Variants in ITM2A observed in about 807,000 individuals in gnomAD.
ITM2A encodes integral membrane protein 2A.
Under a neutral mutation model 16.6 loss-of-function variants are expected in ITM2A, and 11 were observed. That is an observed-to-expected ratio of 0.66 (90% CI 0.42 to 1.10). The LOEUF (loss-of-function observed/expected upper bound fraction) is 1.10, where lower values mean the gene tolerates loss of function less well. ITM2A is among the 50% of genes least tolerant of loss of function. The pLI, the probability that ITM2A is intolerant of heterozygous loss-of-function variation, is 0.00. For synonymous variants in ITM2A, 102 were observed against 71.2 expected, an observed-to-expected ratio of 1.43 and a Z score of -2.18; for missense variants, 243 against 206.8, an observed-to-expected ratio of 1.17 and a Z score of -1.07.
In ITM2A at chrX:79,361,363, C is replaced by T. The variant is rs775925863; in HGVS notation, c.669G>A (p.Lys223=). The T allele has an allele frequency of 8.3e-7, 1 of 1,210,084 alleles. No homozygotes were observed. The highest frequency in any genetic ancestry group is 1.8e-5 in the South Asian group (1 of 56,809). The change falls in exon 5 of 6, where the codon AAG becomes AAA. Residue 223 remains lysine, a synonymous_variant. Transcript: ENST00000373298. Reference sequence around the variant, plus strand: ...GGTCTCTGCGACGAAGGCGGAAGGACTTTCTGTTATTGCAAAGTTGGTAAA... The same window carrying T: ...GGTCTCTGCGACGAAGGCGGAAGGATTTTCTGTTATTGCAAAGTTGGTAAA... The part of the protein sequence containing the change: ...IFIYQLCNNR[K]SFRLRRRDLL...
At position 79,363,529 on chromosome X, in the gene ITM2A, T is replaced by A. The variant is rs1411144160; in HGVS notation, c.137A>T (p.Lys46Ile). Reference protein sequence around the residue: ...GKELRVATQEKEGSSGRCMLT... With the variant: ...GKELRVATQEIEGSSGRCMLT... ...CATACATCTCCCAGAGGAGCCCTCT[T>A]TTTCCTGGGTGGCAACTCGGAGCTC... Residue 46 changes from lysine (K) to isoleucine (I), a missense_variant, in exon 2 of 6, where the codon AAA becomes ATA. Lys to Ile is a moderately radical substitution (Grantham distance 102). Coordinates refer to ENST00000373298, the MANE Select transcript of ITM2A (RefSeq NM_004867.5). 1 of 1,182,441 alleles carries A rather than the reference T, an allele frequency of 8.5e-7. No individual in the cohort carries two copies. Among genetic ancestry groups the A allele is most frequent in the African/African-American group, 1.8e-5 (1 of 56,378 alleles).
intron 2 of ITM2A, 132 bp from the exon 3 acceptor site, chrX:79,363,271 G>T: frequency 2.7e-6 from 2 of 736,252 alleles, no homozygotes; most frequent in Non-Finnish European, 3.9e-6. Flanking sequence ...TTATCACAAT[G>T]AAGACAAATC....
intron 1 of ITM2A, among the ~76,000 whole-genome samples, chrX:79,366,047 G>T (rs895075576): frequency 8.9e-6 from 1 of 111,957 alleles, no homozygotes; most frequent in Non-Finnish European, 1.9e-5. Flanking sequence ...GACAAGTCAG[G>T]ACAGATCTGC....
rs747228137 is a variant in ITM2A, at chrX:79,361,193, CA to C, written c.704-17del. On this transcript the variant is annotated splice_polypyrimidine_tract_variant and intron_variant, in intron 5 of 5. Transcript: ENST00000373298. ...TTGTTGAAACCTGTAAGGAAATGTG[CA>C]AAAAAAGTGGCTTTTGAAATTTTTG... is the stretch of plus-strand genomic sequence containing the variant. 3.4e-6 allele frequency: 4 copies of C among 1,163,578 alleles called. No individual in the cohort carries two copies. Among genetic ancestry groups the C allele is most frequent in the Admixed American group, 2.3e-5 (1 of 42,761 alleles).
intron 4 of ITM2A, 43 bp from the exon 5 acceptor site, chrX:79,361,522 C>T (rs1440173410): frequency 9.0e-7 from 1 of 1,112,298 alleles, no homozygotes; most frequent in Admixed American, 2.4e-5. Flanking sequence ...ATTCTTTTTC[C>T]TTTTTAACTT....
rs1166282823 is a variant in ITM2A at position 79,361,449 on chromosome X, C to A, written c.583G>T (p.Val195Phe). ...TCCACAGCAACTAGGTCTTCTCGAA[C>A]CACATAAGTTTGAGGCAGATATCTG... Reference protein sequence around the residue: ...SGRYLPQTYVVREDLVAVEEI... With the variant: ...SGRYLPQTYVFREDLVAVEEI... Residue 195 changes from valine (V) to phenylalanine (F), a missense_variant, in exon 5 of 6, where the codon GTT (valine) becomes TTT (phenylalanine). By Grantham distance (50) the Val-to-Phe change is conservative. Transcript: ENST00000373298. The A allele has an allele frequency of 8.3e-7, 1 of 1,205,435 alleles. No homozygotes were observed. The highest frequency in any genetic ancestry group is 1.7e-5 in the African/African-American group (1 of 57,249).
chrX:79,362,852 C>T (rs943629855), intron 3 of ITM2A, 90 bp downstream of exon 3: 47 of 751,035 alleles, frequency 6.3e-5, no homozygotes, highest in Admixed American at 4.5e-4. Flanking sequence ...CATGTGCATT[C>T]ATGAATGAAT....
Position 79,360,660 on chromosome X carries a change from A to G in ITM2A, c.*429T>C, listed in dbSNP as rs979003308. 2.7e-5 allele frequency: 3 copies of G among 112,245 alleles called. No individual in the cohort carries two copies. Among genetic ancestry groups the G allele is most frequent in the African/African-American group, 9.7e-5 (3 of 30,948 alleles). The allele number at this position is 112,245 out of a possible 1,213,427, so 9.3% of individuals were successfully genotyped here. A position where few individuals can be genotyped will look rare whatever the true frequency, so the allele number is the denominator to read the frequency against. On this transcript the variant is annotated 3_prime_UTR_variant, in exon 6 of 6. Transcript: ENST00000373298. Reference sequence around the variant, plus strand: ...GAAACCAACAATGTTGAGATCTGATATATTTTACACAAAAAGTTCAAAAAC... The same window carrying G: ...GAAACCAACAATGTTGAGATCTGATGTATTTTACACAAAAAGTTCAAAAAC...
At chrX:79,366,737 A>C in intron 1 of ITM2A, 1 of 150,746 alleles carries the variant, frequency 6.6e-6, no homozygotes. Context: ...TGGGGAGACT[A>C]TGCGCGCCCC....
At chrX:79,364,779 A>G (rs1482736138) in intron 1 of ITM2A, among the ~76,000 whole-genome samples, 1 of 111,777 alleles carries the variant, frequency 8.9e-6, no homozygotes, top group African/African-American at 3.2e-5. Flanking sequence ...TGAAAGGACA[A>G]TCATTTGTTA....
chrX:79,362,701 A>G lies in ITM2A; in HGVS notation c.442-10T>C, dbSNP rs184180205. The G allele has an allele frequency of 6.5e-4, 729 of 1,120,976 alleles. 4 individuals carry two copies. The African/African-American group carries it at 0.011, about 17-fold the overall frequency. 92.4% of individuals were successfully genotyped at this position (1,120,976 alleles called of 1,213,427 possible). On this transcript the variant is annotated splice_polypyrimidine_tract_variant and intron_variant, in intron 3 of 5. Transcript: ENST00000373298. The stretch of plus-strand genomic sequence containing the variant: ...GGTAAGCAGTCATTCCCTGTTAGGT[A>G]GGGGAAAAAAGTCAGGTAAGACACA...
rs374427238 is a variant in ITM2A at position 79,367,235 on chromosome X, C to A, written c.-20G>T. 7.3e-6 allele frequency: 8 copies of A among 1,098,273 alleles called. No homozygotes were observed. The highest frequency in any genetic ancestry group is 2.3e-5 in the Admixed American group (1 of 44,229). The allele number at this position is 1,098,273 out of a possible 1,213,427, so 90.5% of individuals were successfully genotyped here. ...CACCATAGTGAATCTTCGGGCTGCG[C>A]GGTAAGGCGCTGCTGGAATCAGCGT... is the stretch of plus-strand genomic sequence containing the variant. On this transcript the variant is annotated 5_prime_UTR_variant, in exon 1 of 6. Transcript: ENST00000373298.
intron 1 of ITM2A, among the ~76,000 whole-genome samples, chrX:79,365,511 C>T (rs1360120761): frequency 9.0e-6 from 1 of 111,064 alleles, no homozygotes; most frequent in Non-Finnish European, 1.9e-5. Flanking sequence ...AGGTAAGGAT[C>T]CTGTTAAGTT....
In ITM2A at chrX:79,361,085, C is replaced by T. The variant is rs762520315; in HGVS notation, c.*4G>A. The stretch of plus-strand genomic sequence containing the variant: ...ATTACCAAGGACACTCTATCTGTTG[C>T]CTCTTACTCTTGACAGATCTTGGTC... On this transcript the variant is annotated 3_prime_UTR_variant, in exon 6 of 6. Coordinates refer to ENST00000373298, the MANE Select transcript of ITM2A (RefSeq NM_004867.5). 2.8e-5 allele frequency: 32 copies of T among 1,131,213 alleles called. No homozygotes were observed. The Admixed American group carries it at 6.7e-4, about 24-fold the overall frequency. 93.2% of individuals were successfully genotyped at this position (1,131,213 alleles called of 1,213,427 possible). A position where few individuals can be genotyped will look rare whatever the true frequency, so the allele number is the denominator to read the frequency against.
rs1408664860 is a variant in ITM2A at position 79,367,233 on chromosome X, C to T, written c.-18G>A. On this transcript the variant is annotated 5_prime_UTR_variant, in exon 1 of 6. Coordinates refer to ENST00000373298, the MANE Select transcript of ITM2A (RefSeq NM_004867.5). ...TTCACCATAGTGAATCTTCGGGCTG[C>T]GCGGTAAGGCGCTGCTGGAATCAGC... 3.7e-6 allele frequency: 4 copies of T among 1,094,307 alleles called. No homozygotes were observed. In the African/African-American group the frequency reaches 5.4e-5, roughly 15 times the overall value. 90.2% of individuals were successfully genotyped at this position (1,094,307 alleles called of 1,213,427 possible).
intron 1 of ITM2A, among the ~76,000 whole-genome samples, chrX:79,364,699 T>C (rs1319985189): frequency 8.9e-6 from 1 of 112,191 alleles, no homozygotes; most frequent in Non-Finnish European, 1.9e-5. Flanking sequence ...CTGCAATGTT[T>C]ATCAGAGCTA....
chrX:79,362,847 G>T, intron 3 of ITM2A, 95 bp downstream of exon 3: 2 of 723,684 alleles, frequency 2.8e-6, no homozygotes, highest in Non-Finnish European at 4.2e-6. Context: ...AAAAACATGT[G>T]CATTCATGAA....
chrX:79,364,970 AC>A (rs1431455495), intron 1 of ITM2A, among the ~76,000 whole-genome samples: 3 of 110,181 alleles, frequency 2.7e-5, no homozygotes, highest in Non-Finnish European at 5.7e-5. Flanking sequence ...AAAAAAAAAA[AC>A]CTAAACTAAG....
At chrX:79,365,493 T>C (rs1319994383) in intron 1 of ITM2A, among the ~76,000 whole-genome samples, 2 of 111,357 alleles carry the variant, frequency 1.8e-5, no homozygotes, top group African/African-American at 6.5e-5. Context: ...CAGTGTCCTA[T>C]AGTGGCCAGG....
Sources: allele counts gnomAD v4.1 joint callset (sites outside exome capture counted in the v4.1 genomes callset), GRCh38; gene constraint gnomAD v4.1.1; transcripts MANE v1.5; gene names NCBI Gene and HGNC (gene_info 2026-07-23, HGNC 2026-07-21).